Variants in SEMA5A observed in about 807,000 individuals in gnomAD.
SEMA5A encodes semaphorin-5A.
In SEMA5A, 55 loss-of-function variants were observed where a neutral mutation model predicts 135.5. That is an observed-to-expected ratio of 0.41 (90% CI 0.33 to 0.51). The LOEUF is 0.51. SEMA5A is among the 20% of genes least tolerant of loss of function. The pLI is 0.37. For synonymous variants in SEMA5A, 580 were observed against 546.5 expected, an observed-to-expected ratio of 1.06 and a Z score of -0.85; for missense variants, 1,290 against 1,419.9, an observed-to-expected ratio of 0.91 and a Z score of 1.47.
chr5:9,072,646 A>C (rs1737834251), intron 16 of SEMA5A, among the ~76,000 whole-genome samples: 1 of 152,318 alleles, frequency 6.6e-6, no homozygotes, highest in East Asian at 1.9e-4. Context: ...CCTTGCTTCC[A>C]CAGTGGGGAA....
At chr5:9,151,012 C>T (rs1203255726) in intron 12 of SEMA5A, among the ~76,000 whole-genome samples, 1 of 152,102 alleles carries the variant, frequency 6.6e-6, no homozygotes, top group East Asian at 1.9e-4. Flanking sequence ...CGGCTCTGAC[C>T]CAGGTCTCAT....
At chr5:9,043,274 G>C (rs145347764) in intron 22 of SEMA5A, 141 of 338,224 alleles carry the variant, frequency 4.2e-4, no homozygotes, top group Non-Finnish European at 6.5e-4. Context: ...ACGAGAAGCA[G>C]GAGGTAAGAA....
At chr5:9,133,026 A>G (rs1289997493) in intron 13 of SEMA5A, among the ~76,000 whole-genome samples, 2 of 152,226 alleles carry the variant, frequency 1.3e-5, no homozygotes, top group South Asian at 2.1e-4. Flanking sequence ...GCATCTTGCA[A>G]TCCATGAGAG....
At chr5:9,381,859 A>G (rs1755624599) in intron 2 of SEMA5A, among the ~76,000 whole-genome samples, 2 of 151,974 alleles carry the variant, frequency 1.3e-5, no homozygotes, top group South Asian at 4.1e-4. Context: ...TAGATAATGT[A>G]AGTGACTTCA....
intron 11 of SEMA5A, among the ~76,000 whole-genome samples, chr5:9,169,308 T>G (rs945645733): frequency 2.0e-5 from 3 of 152,206 alleles, no homozygotes; most frequent in African/African-American, 7.2e-5. Flanking sequence ...CACTTTGTAT[T>G]TTTTAAAAAC....
chr5:9,382,336 G>C (rs537932453), intron 2 of SEMA5A, among the ~76,000 whole-genome samples: 2 of 152,012 alleles, frequency 1.3e-5, no homozygotes, highest in South Asian at 2.1e-4. Flanking sequence ...ACATAAAAGA[G>C]AGAGGAACTG....
intron 21 of SEMA5A, among the ~76,000 whole-genome samples, chr5:9,046,698 A>G (rs1163495795): frequency 6.6e-6 from 1 of 152,080 alleles, no homozygotes; most frequent in Non-Finnish European, 1.5e-5. Context: ...TAAACCCTGA[A>G]CTTTTCCCTC....
chr5:9,360,981 T>C (rs1399685325), intron 3 of SEMA5A, among the ~76,000 whole-genome samples: 1 of 152,108 alleles, frequency 6.6e-6, no homozygotes, highest in Non-Finnish European at 1.5e-5. Flanking sequence ...TAACAATAAA[T>C]AAGACAGAAA....
intron 3 of SEMA5A, among the ~76,000 whole-genome samples, chr5:9,375,540 C>T (rs1488172424): frequency 1.3e-5 from 2 of 150,144 alleles, no homozygotes; most frequent in South Asian, 4.3e-4. Flanking sequence ...CTGCAAACAC[C>T]GTAATTTTGG....
At chr5:9,496,990 C>T (rs1735336323) in intron 1 of SEMA5A, among the ~76,000 whole-genome samples, 1 of 152,204 alleles carries the variant, frequency 6.6e-6, no homozygotes, top group East Asian at 1.9e-4. Flanking sequence ...CTTGAAATAG[C>T]CTTGCATATG....
In SEMA5A at chr5:9,471,750, C is replaced by T. The variant is rs531600001; in HGVS notation, c.-174-33898G>A. On this transcript the variant is annotated intron_variant, in intron 1 of 22. Coordinates refer to ENST00000382496, the MANE Select transcript of SEMA5A (RefSeq NM_003966.3). ...GCAACCAATAAGTCTGCATGTACCC[C>T]TTTTAACAAGATTCATTAAATACCT... 3.7e-4 allele frequency among the ~76,000 whole-genome samples: 56 copies of T among 152,288 alleles called. 1 individual carries two copies. The South Asian group carries it at 8.9e-3, about 24-fold the overall frequency.
intron 5 of SEMA5A, among the ~76,000 whole-genome samples, chr5:9,244,513 C>T (rs1304959594): frequency 3.9e-5 from 6 of 152,272 alleles, no homozygotes; most frequent in African/African-American, 9.6e-5. Flanking sequence ...GTGAGCTCCT[C>T]GCTGGACCCT....
At chr5:9,158,693 C>A (rs1051359889) in intron 11 of SEMA5A, among the ~76,000 whole-genome samples, 1 of 152,080 alleles carries the variant, frequency 6.6e-6, no homozygotes, top group Non-Finnish European at 1.5e-5. Context: ...GCTATGGACA[C>A]AAATCTGAGT....
chr5:9,169,159 A>C (rs1182566213), intron 11 of SEMA5A, among the ~76,000 whole-genome samples: 1 of 152,206 alleles, frequency 6.6e-6, no homozygotes, highest in African/African-American at 2.4e-5. Context: ...ACCACAAGAA[A>C]AAAGCAAGCA....
intron 2 of SEMA5A, among the ~76,000 whole-genome samples, chr5:9,423,363 A>G (rs1017181792): frequency 6.6e-6 from 1 of 152,230 alleles, no homozygotes; most frequent in Non-Finnish European, 1.5e-5. Flanking sequence ...TATCTGTTTT[A>G]TTCCTGAGCT....
chr5:9,539,639 A>G (rs1409872357), intron 1 of SEMA5A, among the ~76,000 whole-genome samples: 3 of 152,114 alleles, frequency 2.0e-5, no homozygotes, highest in Non-Finnish European at 4.4e-5. Context: ...GACCAGAAGT[A>G]TTTCAGATTT....
chr5:9,070,582 G>C (rs1019127606), intron 16 of SEMA5A, among the ~76,000 whole-genome samples: 12 of 152,290 alleles, frequency 7.9e-5, no homozygotes, highest in African/African-American at 2.9e-4. Context: ...TTTTTGAAAT[G>C]TATGAGGGGC....
chr5:9,126,783 T>G (rs1005518644), intron 13 of SEMA5A, among the ~76,000 whole-genome samples: 10 of 152,160 alleles, frequency 6.6e-5, no homozygotes, highest in African/African-American at 2.4e-4. Flanking sequence ...ACAGGACAGC[T>G]TTTGGTCAGC....
intron 1 of SEMA5A, among the ~76,000 whole-genome samples, chr5:9,521,850 G>T (rs999267566): frequency 1.5e-4 from 23 of 152,120 alleles, no homozygotes; most frequent in African/African-American, 5.3e-4. Context: ...TGACTCCAAG[G>T]AGGTGACCTA....
Sources: gnomAD v4.1 joint callset for allele counts (sites outside exome capture counted in the v4.1 genomes callset) on GRCh38, gnomAD v4.1.1 for gene constraint, MANE v1.5 for transcripts, NCBI Gene and HGNC (gene_info 2026-07-23, HGNC 2026-07-21) for gene names.